The following RNGTT variants were observed in gnomAD, a reference collection of about 807,000 sequenced individuals.
RNGTT encodes RNA guanylyltransferase and 5'-phosphatase.
In RNGTT, 33 loss-of-function variants were observed where a neutral mutation model predicts 79.3. That is an observed-to-expected ratio of 0.42 (90% CI 0.32 to 0.56). The LOEUF is 0.56. RNGTT is among the 20% of genes least tolerant of loss of function. The pLI is 0.17. For missense variants in RNGTT, 497 were observed against 739.1 expected (o/e 0.67, Z 3.80); for synonymous variants, 222 against 235.9 (o/e 0.94, Z 0.54).
rs576061495 is a variant in RNGTT at position 88,718,438 on chromosome 6, T to C, written c.1440-40019A>G. Among the ~76,000 whole-genome samples the C allele has an allele frequency of 3.3e-5, 5 of 151,626 alleles. No individual in the cohort carries two copies. The South Asian group carries it at 6.3e-4, about 19-fold the overall frequency. ...AAAGTACTGTTTATAGAGCTCCTAT[T>C]GTTACAAGGCACTAGGCTGGAGAAA... On this transcript the variant is annotated intron_variant, in intron 13 of 15. Transcript: ENST00000369485.
intron 4 of RNGTT, among the ~76,000 whole-genome samples, chr6:88,911,495 TG>T (rs1562315970): frequency 6.6e-6 from 1 of 152,182 alleles, no homozygotes; most frequent in Non-Finnish European, 1.5e-5. Flanking sequence ...AACTTCCAGA[TG>T]GGTACTAAAG....
At chr6:88,846,320 C>T (rs575897063) in intron 10 of RNGTT, among the ~76,000 whole-genome samples, 7 of 152,310 alleles carry the variant, frequency 4.6e-5, no homozygotes, top group African/African-American at 1.7e-4. Flanking sequence ...CATATCATTA[C>T]TATAATGAAA....
chr6:88,909,743 A>T (rs1014008162), intron 4 of RNGTT, among the ~76,000 whole-genome samples: 6 of 152,198 alleles, frequency 3.9e-5, no homozygotes, highest in African/African-American at 1.2e-4. Context: ...GCAGCTGTGT[A>T]AGAGCCTATC....
At chr6:88,646,441 C>A (rs1308217611) in intron 14 of RNGTT, among the ~76,000 whole-genome samples, 1 of 152,186 alleles carries the variant, frequency 6.6e-6, no homozygotes, top group African/African-American at 2.4e-5. Context: ...GTGGTGATTC[C>A]TCAGGGATCT....
At chr6:88,704,960 C>T (rs553800469) in intron 13 of RNGTT, among the ~76,000 whole-genome samples, 6 of 151,810 alleles carry the variant, frequency 4.0e-5, no homozygotes, top group Admixed American at 6.6e-5. Context: ...TCTTAAAGGG[C>T]AGCAAGTTTG....
Position 88,714,672 on chromosome 6 carries a change from G to A in RNGTT, c.1440-36253C>T, listed in dbSNP as rs1776443475. Among the ~76,000 whole-genome samples the A allele has an allele frequency of 2.2e-5, 2 of 90,408 alleles. 1 individual carries two copies. The highest frequency in any genetic ancestry group is 3.3e-4 in the African/African-American group (2 of 6,020). 59.3% of individuals were successfully genotyped at this position (90,408 alleles called of 152,430 possible). On this transcript the variant is annotated intron_variant, in intron 13 of 15. Coordinates refer to ENST00000369485, the MANE Select transcript of RNGTT (RefSeq NM_003800.5). Reference sequence around the variant, plus strand: ...TTAGCCGGGATGGTCTCGATCTCCTGACCTCGTGATCCGCCCGCCTCGGCC... The same window carrying A: ...TTAGCCGGGATGGTCTCGATCTCCTAACCTCGTGATCCGCCCGCCTCGGCC...
Position 88,904,728 on chromosome 6 carries a change from T to C in RNGTT, c.671A>G (p.Glu224Gly). The change falls in exon 6 of 16, where the codon GAA (glutamate) becomes GGA (glycine). Residue 224 changes from glutamate (E) to glycine (G), a missense_variant. Physicochemically the swap from Glu to Gly is moderately conservative, Grantham distance 98. Transcript: ENST00000369485. ...TTTAAACATTACCAGTTTTAACCGT[T>C]CTTTTCTCCTTTTGCCAAAAGAAGC... ...SSASFGKRRK[E>G]RLKLGAIFLE... 6.2e-7 allele frequency: 1 copy of C among 1,613,502 alleles called. No homozygotes were observed. Among genetic ancestry groups the C allele is most frequent in the Non-Finnish European group, 8.5e-7 (1 of 1,179,844 alleles).
At chr6:88,775,032 C>G (rs1003618396) in intron 12 of RNGTT, among the ~76,000 whole-genome samples, 1 of 152,070 alleles carries the variant, frequency 6.6e-6, no homozygotes, top group African/African-American at 2.4e-5. Flanking sequence ...ATAAATCACA[C>G]TAATCAATAT....
intron 11 of RNGTT, among the ~76,000 whole-genome samples, chr6:88,820,132 A>G (rs1335274671): frequency 2.0e-5 from 3 of 152,148 alleles, no homozygotes; most frequent in South Asian, 2.1e-4. Flanking sequence ...GACTGAACTT[A>G]TCACAAGAAA....
At chr6:88,635,377 A>T (rs1265501414) in intron 14 of RNGTT, among the ~76,000 whole-genome samples, 1 of 152,110 alleles carries the variant, frequency 6.6e-6, no homozygotes, top group Non-Finnish European at 1.5e-5. Flanking sequence ...CAGGCCTTCC[A>T]ACTGAGGAGT....
At chr6:88,898,661 G>A (rs576426857) in intron 6 of RNGTT, among the ~76,000 whole-genome samples, 1 of 146,696 alleles carries the variant, frequency 6.8e-6, no homozygotes, top group East Asian at 2.0e-4. Context: ...TATATATACT[G>A]TGTGTGTGTG....
intron 2 of RNGTT, among the ~76,000 whole-genome samples, chr6:88,937,683 C>T (rs544594979): frequency 7.9e-5 from 12 of 152,232 alleles, no homozygotes; most frequent in African/African-American, 2.6e-4. Flanking sequence ...GCAATTATTG[C>T]TATAAACTTC....
chr6:88,852,018 C>A (rs536509703), intron 9 of RNGTT, among the ~76,000 whole-genome samples: 2 of 150,180 alleles, frequency 1.3e-5, no homozygotes, highest in Non-Finnish European at 3.0e-5. Context: ...CATCAAAAAT[C>A]TTTCTATAGA....
At chr6:88,628,273 C>G (rs9451041) in intron 14 of RNGTT, among the ~76,000 whole-genome samples, 4,396 of 152,094 alleles carry the variant, frequency 0.029, 215 homozygotes, top group African/African-American at 0.1. Flanking sequence ...TATCACATTC[C>G]CTAAATATCT....
chr6:88,740,874 C>A (rs1398211835), intron 13 of RNGTT, among the ~76,000 whole-genome samples: 1 of 151,966 alleles, frequency 6.6e-6, no homozygotes, highest in Non-Finnish European at 1.5e-5. Flanking sequence ...CACACGCATT[C>A]CGGAACTTAA....
chr6:88,680,041 A>G (rs1775031002), intron 13 of RNGTT, among the ~76,000 whole-genome samples: 1 of 152,204 alleles, frequency 6.6e-6, no homozygotes, highest in Admixed American at 6.5e-5. Context: ...GAATCTGAGA[A>G]TGGAACACTG....
At chr6:88,659,094 A>C (rs1461481560) in intron 14 of RNGTT, among the ~76,000 whole-genome samples, 2 of 152,200 alleles carry the variant, frequency 1.3e-5, no homozygotes, top group Admixed American at 6.5e-5. Flanking sequence ...CCTGACATAC[A>C]GGGGGAGAGC....
chr6:88,827,022 T>A (rs1780689444), intron 11 of RNGTT, among the ~76,000 whole-genome samples: 1 of 151,804 alleles, frequency 6.6e-6, no homozygotes, highest in Non-Finnish European at 1.5e-5. Context: ...AAAAACCTAC[T>A]AAGTCAGACA....
chr6:88,660,060 A>G (rs1291726259), intron 14 of RNGTT, among the ~76,000 whole-genome samples: 1 of 152,244 alleles, frequency 6.6e-6, no homozygotes, highest in East Asian at 1.9e-4. Context: ...ATTAAGCTTC[A>G]TAAATGAAGG....
Sources: allele counts gnomAD v4.1 joint callset (sites outside exome capture counted in the v4.1 genomes callset), GRCh38; gene constraint gnomAD v4.1.1; transcripts MANE v1.5; gene names NCBI Gene and HGNC (gene_info 2026-07-23, HGNC 2026-07-21).